ANO1: variants seen among roughly 807,000 people sequenced by gnomAD.
The protein encoded by ANO1 is anoctamin 1, also known as anoctamin-1.
In ANO1, 59 loss-of-function variants were observed where a neutral mutation model predicts 124.0. The observed-to-expected ratio is 0.48, with a 90% CI of 0.39 to 0.59. ANO1 has a LOEUF of 0.59. Among genes scored for constraint, ANO1 ranks in the 20% least tolerant of loss-of-function variants. ANO1 has a pLI of 0.00. For missense variants in ANO1, 1,059 were observed against 1,328.0 expected (o/e 0.80, Z 3.15); for synonymous variants, 529 against 532.0 (o/e 0.99, Z 0.08).
intron 8 of ANO1, among the ~76,000 whole-genome samples, chr11:70,123,418 C>T (rs1020250505): frequency 2.0e-5 from 3 of 152,206 alleles, no homozygotes; most frequent in Non-Finnish European, 2.9e-5. Flanking sequence ...CGCTCAGGCA[C>T]GCGAGGCTAT....
At chr11:69,984,286 C>T (rs553672040), upstream of ANO1, among the ~76,000 whole-genome samples, 7 of 152,302 alleles carry the variant, frequency 4.6e-5, no homozygotes, top group African/African-American at 1.7e-4. Flanking sequence ...GCACACGTCC[C>T]GGGGCTTCTT....
Position 70,178,853 on chromosome 11 carries a change from C to A in ANO1, c.2351-1151C>A, listed in dbSNP as rs536721140. Among the ~76,000 whole-genome samples, 11 of 152,358 alleles carry A rather than the reference C, an allele frequency of 7.2e-5. No homozygotes were observed. In the East Asian group the frequency reaches 2.1e-3, roughly 29 times the overall value. On this transcript the variant is annotated intron_variant, in intron 22 of 25. Coordinates refer to ENST00000355303, the MANE Select transcript of ANO1 (RefSeq NM_018043.7). ...TGCTGGGATTATAGGCGTGAGCCAC[C>A]ACACCCAGCCCGCAGTGGGCATTTC...
chr11:70,163,439 A>C, intron 19 of ANO1, 99 bp downstream of exon 19: 1 of 1,392,618 alleles, frequency 7.2e-7, no homozygotes, highest in Non-Finnish European at 1.0e-6. Context: ...ACATTTGTTC[A>C]GCAAAGAGCA....
At chr11:70,107,738 C>T (rs889564235) in intron 5 of ANO1, among the ~76,000 whole-genome samples, 2 of 152,104 alleles carry the variant, frequency 1.3e-5, no homozygotes, top group Non-Finnish European at 2.9e-5. Context: ...ACTCCCAAGC[C>T]GGAGCTGCTG....
At chr11:70,060,587 C>A (rs1857550280) in intron 1 of ANO1, among the ~76,000 whole-genome samples, 1 of 152,072 alleles carries the variant, frequency 6.6e-6, no homozygotes, top group Non-Finnish European at 1.5e-5. Context: ...AGTCGAGAGG[C>A]AGACAATAAA....
chr11:70,137,663 C>T lies in ANO1; in HGVS notation c.1258+5584C>T, dbSNP rs765914916. 1.4e-4 allele frequency among the ~76,000 whole-genome samples: 20 copies of T among 146,152 alleles called. 2 individuals carry two copies. The highest frequency in any genetic ancestry group is 4.4e-4 in the Admixed American group (6 of 13,684). On this transcript the variant is annotated intron_variant, in intron 11 of 25. Transcript: ENST00000355303. The stretch of plus-strand genomic sequence containing the variant: ...AGGCTGACTTGGCTGCGTAGTAGGA[C>T]GGTTAGATACAGTCAAGGGGTTCAC...
intron 11 of ANO1, among the ~76,000 whole-genome samples, chr11:70,139,348 T>C (rs373248248): frequency 6.8e-6 from 1 of 146,624 alleles, no homozygotes; most frequent in Admixed American, 6.8e-5. Context: ...GTAGAGACGG[T>C]GTCTCACTCT....
At chr11:70,133,713 G>T (rs1016443822) in intron 11 of ANO1, among the ~76,000 whole-genome samples, 2 of 152,250 alleles carry the variant, frequency 1.3e-5, no homozygotes, top group African/African-American at 4.8e-5. Context: ...AGCCGAGGAA[G>T]CCGACAGGCT....
intron 1 of ANO1, among the ~76,000 whole-genome samples, chr11:70,020,077 G>A (rs1856773146): frequency 1.3e-5 from 2 of 152,244 alleles, no homozygotes; most frequent in Admixed American, 6.5e-5. Context: ...GTGGGCGGGC[G>A]CTAGGTGATC....
At chr11:70,033,263 T>G (rs73518063) in intron 1 of ANO1, among the ~76,000 whole-genome samples, 12,488 of 152,142 alleles carry the variant, frequency 0.082, 744 homozygotes, top group African/African-American at 0.14. Flanking sequence ...GAAGTCATTT[T>G]CCCAAAGCCA....
chr11:69,972,581 C>G, the ANO1 span, among the ~76,000 whole-genome samples: 1 of 152,172 alleles, frequency 6.6e-6, no homozygotes, highest in Non-Finnish European at 1.5e-5. Context: ...CAATTCATGA[C>G]CCACTGGGTT....
intron 25 of ANO1, among the ~76,000 whole-genome samples, chr11:70,186,352 GAGGAAGGA>G (rs58940209): frequency 0.022 from 2,803 of 126,882 alleles, 45 homozygotes; most frequent in East Asian, 0.054. Context: ...GAGGGGGAGG[GAGGAAGGA>G]AGGAAGGAAG....
chr11:70,156,077 A>G, intron 15 of ANO1, 89 bp downstream of exon 15: 3 of 1,227,532 alleles, frequency 2.4e-6, no homozygotes, highest in Non-Finnish European at 3.2e-6. Flanking sequence ...ACTGTTGTAT[A>G]TATTTTTTTT....
At chr11:70,095,309 AAAGAAAGAAAGG>A (rs2044840862) in intron 2 of ANO1, among the ~76,000 whole-genome samples, 1 of 130,722 alleles carries the variant, frequency 7.6e-6, no homozygotes, top group Non-Finnish European at 1.7e-5. Flanking sequence ...GGAAAGAAAG[AAAGAAAGAAAGG>A]AAAGAAAGAA....
Position 70,161,241 on chromosome 11 carries a change from C to G in ANO1, c.1659C>G (p.Ser553=), listed in dbSNP as rs149309983. 1 of 1,613,932 alleles carries G rather than the reference C, an allele frequency of 6.2e-7. No homozygotes were observed. The highest frequency in any genetic ancestry group is 2.2e-5 in the East Asian group (1 of 44,872). ...SMAAALAMNS[S]PSVRSNIRVT... is the part of the protein sequence containing the mutation. ...CCGCCGCCTTGGCCATGAACTCCTC[C>G]CCCTCCGTGCGGTCCAACATCCGGG... is the stretch of plus-strand genomic sequence containing the variant. Residue 553 remains serine (S), a synonymous_variant, in exon 17 of 26, where the codon TCC becomes TCG. Transcript: ENST00000355303.
At chr11:70,183,533 C>T (rs1467989243) in intron 24 of ANO1, among the ~76,000 whole-genome samples, 1 of 152,150 alleles carries the variant, frequency 6.6e-6, no homozygotes, top group Non-Finnish European at 1.5e-5. Flanking sequence ...CTAGGGAAAA[C>T]TGGGGTGCTA....
chr11:70,108,585 C>T (rs2045651144), intron 6 of ANO1, among the ~76,000 whole-genome samples, 181 bp downstream of exon 6: 1 of 152,064 alleles, frequency 6.6e-6, no homozygotes, highest in African/African-American at 2.4e-5. Context: ...GTTTTATGGC[C>T]CAGCACTTTT....
intron 2 of ANO1, among the ~76,000 whole-genome samples, chr11:70,090,010 T>G (rs1292085725): frequency 6.6e-6 from 1 of 151,694 alleles, no homozygotes; most frequent in Non-Finnish European, 1.5e-5. Flanking sequence ...TTTGTTTGTT[T>G]GTTTGTTTGT....
At chr11:70,045,062 G>C (rs1555005430) in intron 1 of ANO1, among the ~76,000 whole-genome samples, 1 of 152,152 alleles carries the variant, frequency 6.6e-6, no homozygotes, top group Non-Finnish European at 1.5e-5. Flanking sequence ...GATAGAACTA[G>C]AAATGGGGAT....
Sources: gnomAD v4.1 joint callset for allele counts (sites outside exome capture counted in the v4.1 genomes callset) on GRCh38, gnomAD v4.1.1 for gene constraint, MANE v1.5 for transcripts, NCBI Gene and HGNC (gene_info 2026-07-23, HGNC 2026-07-21) for gene names.